Variants in ZNF69 observed in about 807,000 individuals in gnomAD.
ZNF69 encodes ZNF3.
In ZNF69, 47 loss-of-function variants were observed where a neutral mutation model predicts 50.9. That is an observed-to-expected ratio of 0.92 (90% CI 0.73 to 1.18). The LOEUF is 1.18. ZNF69 is among the 50% of genes most tolerant of loss of function. The pLI is 0.00. For missense variants in ZNF69, 717 were observed against 675.1 expected, an observed-to-expected ratio of 1.06 and a Z score of -0.69; for synonymous variants, 216 against 223.1, an observed-to-expected ratio of 0.97 and a Z score of 0.29.
chr19:11,909,620 C>G (rs183143540), downstream of ZNF69, among the ~76,000 whole-genome samples: 90 of 152,242 alleles, frequency 5.9e-4, 1 homozygote, highest in South Asian at 1.9e-3. Context: ...ATTCCACAGC[C>G]CTTTATGCTA....
At chr19:11,978,529 G>T in the ZNF69 span, 8 of 1,614,212 alleles carry the variant, frequency 5.0e-6, no homozygotes, top group Non-Finnish European at 6.8e-6. Context: ...CCTTATAAAT[G>T]TAAGTTTTGT....
chr19:11,919,891 T>C, the ZNF69 span, among the ~76,000 whole-genome samples: 1 of 152,152 alleles, frequency 6.6e-6, no homozygotes, highest in Non-Finnish European at 1.5e-5. Flanking sequence ...TGGTATTTTG[T>C]TATACCAGCC....
the ZNF69 span, chr19:11,925,167 C>T: frequency 6.2e-7 from 1 of 1,607,520 alleles, no homozygotes; most frequent in Admixed American, 1.7e-5. Context: ...CCGAGAGGGA[C>T]CTGGTGCCTG....
the ZNF69 span, among the ~76,000 whole-genome samples, chr19:11,977,740 T>C: frequency 6.6e-6 from 1 of 152,076 alleles, no homozygotes; most frequent in Non-Finnish European, 1.5e-5. Context: ...ATCGTAGTCC[T>C]AGCTACTCAG....
At chr19:11,935,962 G>A in the ZNF69 span, among the ~76,000 whole-genome samples, 13 of 152,120 alleles carry the variant, frequency 8.5e-5, no homozygotes, top group Non-Finnish European at 1.5e-4. Context: ...GCAGTGTTTG[G>A]TTTTCTGTTC....
At chr19:11,896,319 A>G (rs1440205615) in intron 1 of ZNF69, among the ~76,000 whole-genome samples, 1 of 149,922 alleles carries the variant, frequency 6.7e-6, no homozygotes, top group South Asian at 2.1e-4. Context: ...ATTTTCTCTT[A>G]ATTAGTATAA....
chr19:11,963,995 G>T, the ZNF69 span, among the ~76,000 whole-genome samples: 1 of 152,262 alleles, frequency 6.6e-6, no homozygotes, highest in Non-Finnish European at 1.5e-5. Flanking sequence ...GAGGAGAGCA[G>T]GGGTTTGAGG....
At chr19:11,917,306 G>C (rs938737477), downstream of ZNF69, among the ~76,000 whole-genome samples, 1 of 152,246 alleles carries the variant, frequency 6.6e-6, no homozygotes, top group Non-Finnish European at 1.5e-5. Context: ...CACAGTGAGC[G>C]AGTGGTCTTT....
At chr19:11,935,101 G>A in the ZNF69 span, among the ~76,000 whole-genome samples, 13,656 of 142,054 alleles carry the variant, frequency 0.096, 2,119 homozygotes, top group African/African-American at 0.27. Context: ...GCATGAACCC[G>A]GGAGGCGGAG....
In ZNF69 at chr19:11,904,735, A is replaced by C; in HGVS notation, c.338A>C (p.Asn113Thr). Reference protein sequence around the residue: ...TFTQVPDDRLNFQEKKASPEI... With the variant: ...TFTQVPDDRLTFQEKKASPEI... ...ACCCAGGTTCCAGATGACAGGCTGA[A>C]CTTCCAGGAGAAGAAAGCTTCTCCT... The change falls in exon 4 of 4, where the codon AAC becomes ACC. Residue 113 changes from asparagine (N) to threonine (T), a missense_variant. Coordinates refer to ENST00000429654, the MANE Select transcript of ZNF69 (RefSeq NM_001364730.1). The C allele has an allele frequency of 6.2e-7, 1 of 1,613,984 alleles. No homozygotes were observed. Among genetic ancestry groups the C allele is most frequent in the Non-Finnish European group, 8.5e-7 (1 of 1,179,864 alleles).
the ZNF69 span, chr19:11,949,644 A>G: frequency 5.6e-6 from 9 of 1,613,664 alleles, no homozygotes; most frequent in Admixed American, 3.3e-5. Flanking sequence ...AATGCAACCA[A>G]TGTGGTAAAG....
At chr19:11,947,507 A>G in the ZNF69 span, 2 of 1,612,238 alleles carry the variant, frequency 1.2e-6, no homozygotes, top group Middle Eastern at 1.7e-4. Context: ...CTGTGTCTGT[A>G]TTTTAGGAAA....
chr19:11,917,759 G>A (rs931465308), downstream of ZNF69, among the ~76,000 whole-genome samples: 3 of 149,232 alleles, frequency 2.0e-5, no homozygotes, highest in Admixed American at 6.7e-5. Context: ...CTGGGTAGCC[G>A]GGACTGCTGG....
intron 1 of ZNF69, among the ~76,000 whole-genome samples, chr19:11,900,641 G>A (rs958342441): frequency 6.6e-6 from 1 of 152,130 alleles, no homozygotes; most frequent in Admixed American, 6.6e-5. Flanking sequence ...ATGAGCCACC[G>A]TAACCGGCCT....
chr19:11,912,193 C>T (rs1417343723), intron 4 of ZNF69, among the ~76,000 whole-genome samples: 1 of 152,018 alleles, frequency 6.6e-6, no homozygotes, highest in African/African-American at 2.4e-5. Context: ...GGAGAGAAAC[C>T]CTGTGAATGT....
At chr19:11,909,588 T>C (rs1972428024), downstream of ZNF69, among the ~76,000 whole-genome samples, 1 of 152,208 alleles carries the variant, frequency 6.6e-6, no homozygotes, top group Admixed American at 6.5e-5. Flanking sequence ...TCTGAATAGA[T>C]GCAGAAAAGG....
intron 1 of ZNF69, among the ~76,000 whole-genome samples, chr19:11,900,416 G>A (rs1477056220): frequency 2.0e-5 from 3 of 151,216 alleles, no homozygotes; most frequent in African/African-American, 7.3e-5. Context: ...GCAGTGGCGT[G>A]ATCTCGGCTC....
downstream of ZNF69, among the ~76,000 whole-genome samples, chr19:11,909,023 A>G (rs1165899525): frequency 6.6e-6 from 1 of 152,258 alleles, no homozygotes; most frequent in African/African-American, 2.4e-5. Context: ...ACAAACTACC[A>G]TCAGAGAGTA....
downstream of ZNF69, among the ~76,000 whole-genome samples, chr19:11,914,958 C>G (rs571598339): frequency 1.4e-4 from 22 of 152,320 alleles, 1 homozygote; most frequent in South Asian, 3.7e-3. Flanking sequence ...AATCCCACCA[C>G]TTTGCTAGTC....
Sources: allele counts gnomAD v4.1 joint callset (sites outside exome capture counted in the v4.1 genomes callset), GRCh38; gene constraint gnomAD v4.1.1; transcripts MANE v1.5; gene names NCBI Gene and HGNC (gene_info 2026-07-23, HGNC 2026-07-21).